CADPS2: variants seen among roughly 807,000 people sequenced by gnomAD.
CADPS2 encodes calcium-dependent secretion activator 2.
CADPS2 carries 93 observed loss-of-function variants against 172.5 expected under a neutral mutation model. The ratio of observed to expected loss-of-function variants is 0.54; its 90% CI spans 0.46 to 0.64. CADPS2 has a LOEUF of 0.64. Ranked by LOEUF, CADPS2 falls within the 30% of genes least tolerant of loss-of-function variation. The pLI, the probability that CADPS2 is intolerant of heterozygous loss-of-function variation, is 0.00. For missense variants in CADPS2, 1,420 were observed against 1,565.9 expected (o/e 0.91, Z 1.57); for synonymous variants, 546 against 555.2 (o/e 0.98, Z 0.23).
chr7:122,365,096 T>C (rs901041948), intron 25 of CADPS2, among the ~76,000 whole-genome samples: 16 of 152,204 alleles, frequency 1.1e-4, no homozygotes, highest in African/African-American at 3.9e-4. Context: ...CCATGTGGCA[T>C]CTGGCAGCCT....
chr7:122,742,116 C>T (rs1012458063), intron 1 of CADPS2, among the ~76,000 whole-genome samples: 2 of 152,052 alleles, frequency 1.3e-5, no homozygotes, highest in South Asian at 2.1e-4. Flanking sequence ...ACAAACTGGG[C>T]GCAGCGGCTC....
chr7:122,876,934 A>T (rs1426484192), intron 1 of CADPS2, among the ~76,000 whole-genome samples: 4 of 152,176 alleles, frequency 2.6e-5, no homozygotes, highest in African/African-American at 9.7e-5. Flanking sequence ...AAACAAAACA[A>T]AAAAACTATT....
At chr7:122,875,827 T>C (rs1409025084) in intron 1 of CADPS2, among the ~76,000 whole-genome samples, 1 of 152,198 alleles carries the variant, frequency 6.6e-6, no homozygotes, top group African/African-American at 2.4e-5. Context: ...CTCATTATCT[T>C]ATTACAAAAC....
chr7:122,321,050 C>T (rs1276684041), intron 29 of CADPS2, among the ~76,000 whole-genome samples: 1 of 152,074 alleles, frequency 6.6e-6, no homozygotes, highest in Non-Finnish European at 1.5e-5. Context: ...AAATAGAGTA[C>T]CATGTTATTG....
intron 1 of CADPS2, among the ~76,000 whole-genome samples, chr7:122,845,036 T>G (rs1811609212): frequency 2.6e-5 from 4 of 152,162 alleles, no homozygotes; most frequent in Admixed American, 2.6e-4. Context: ...CAAATAAGGC[T>G]TCCTAGTCAC....
chr7:122,797,293 T>C (rs1226383849), intron 1 of CADPS2, among the ~76,000 whole-genome samples: 1 of 152,206 alleles, frequency 6.6e-6, no homozygotes, highest in Non-Finnish European at 1.5e-5. Flanking sequence ...GTGTGGCAAT[T>C]TCTCAATGAC....
intron 3 of CADPS2, among the ~76,000 whole-genome samples, chr7:122,661,957 A>T (rs1230077990): frequency 6.6e-6 from 1 of 152,220 alleles, no homozygotes; most frequent in Non-Finnish European, 1.5e-5. Context: ...CACTATTATC[A>T]AATAACTACC....
chr7:122,861,276 T>C (rs1056530514), intron 1 of CADPS2, among the ~76,000 whole-genome samples: 1 of 152,216 alleles, frequency 6.6e-6, no homozygotes, highest in Non-Finnish European at 1.5e-5. Context: ...TTGTCTTTTG[T>C]CTATTTGATA....
chr7:122,770,716 G>A (rs763554430), intron 1 of CADPS2, among the ~76,000 whole-genome samples: 23 of 152,292 alleles, frequency 1.5e-4, no homozygotes, highest in Admixed American at 2.6e-4. Context: ...GCATGCTCAG[G>A]ATCTAAAGGT....
rs1229078488 is a variant in CADPS2, at chr7:122,581,829, G to C, written c.1224-539C>G. On this transcript the variant is annotated intron_variant, in intron 6 of 29. Transcript: ENST00000449022. The stretch of plus-strand genomic sequence containing the variant: ...AAAAAGAAAGAAATATGCATCATAA[G>C]AATCTGAATGTTTTGTAGTTAATTT... Among the ~76,000 whole-genome samples, 6 of 152,038 alleles carry C rather than the reference G, an allele frequency of 3.9e-5. No homozygotes were observed. The South Asian group carries it at 1.2e-3, about 31-fold the overall frequency.
intron 1 of CADPS2, among the ~76,000 whole-genome samples, chr7:122,744,690 CTAAGTGA>C (rs1426658991): frequency 2.0e-5 from 3 of 152,072 alleles, no homozygotes. Context: ...AAAATGTAAA[CTAAGTGA>C]TAAGTACAGA....
chr7:122,629,577 T>G (rs544572661), intron 3 of CADPS2, among the ~76,000 whole-genome samples: 1 of 152,272 alleles, frequency 6.6e-6, no homozygotes, highest in East Asian at 1.9e-4. Context: ...GAAATTAGAT[T>G]TCTTGATCAT....
intron 2 of CADPS2, among the ~76,000 whole-genome samples, chr7:122,724,171 G>T (rs190006592): frequency 6.6e-6 from 1 of 151,618 alleles, no homozygotes; most frequent in African/African-American, 2.4e-5. Flanking sequence ...ATAACTTAAA[G>T]TATAATAATA....
intron 12 of CADPS2, among the ~76,000 whole-genome samples, chr7:122,477,037 G>GGAGAGGAGAGGAGA (rs2056733120): frequency 1.3e-5 from 1 of 78,950 alleles, no homozygotes; most frequent in Non-Finnish European, 2.2e-5. Context: ...GGAGAGGAGA[G>GGAGAGGAGAGGAGA]GAGAGGAGAG....
At chr7:122,407,829 G>A (rs1563261476) in intron 19 of CADPS2, 133 bp from the exon 20 acceptor site, 1 of 871,256 alleles carries the variant, frequency 1.1e-6, no homozygotes, top group East Asian at 2.7e-5. Context: ...AAATATAATA[G>A]TTTTTAACCT....
At chr7:122,506,843 C>A (rs1039644015) in intron 9 of CADPS2, among the ~76,000 whole-genome samples, 1 of 151,806 alleles carries the variant, frequency 6.6e-6, no homozygotes, top group Non-Finnish European at 1.5e-5. Flanking sequence ...ACTGTGTTGT[C>A]CAAATGGTGT....
intron 2 of CADPS2, chr7:122,698,152 C>T (rs2085424393): frequency 6.2e-7 from 1 of 1,613,920 alleles, no homozygotes. Flanking sequence ...GCAAATTACG[C>T]AGCTATCCCC....
intron 1 of CADPS2, among the ~76,000 whole-genome samples, chr7:122,844,816 G>A (rs1811529135): frequency 6.6e-6 from 1 of 152,034 alleles, no homozygotes; most frequent in Non-Finnish European, 1.5e-5. Flanking sequence ...AAGTGAGTGG[G>A]GAGGATTCAC....
chr7:122,527,884 A>G (rs2061403882), intron 8 of CADPS2, among the ~76,000 whole-genome samples: 1 of 152,088 alleles, frequency 6.6e-6, no homozygotes, highest in South Asian at 2.1e-4. Flanking sequence ...CAGAGAGAGA[A>G]GGGTGAAAAT....
Sources: gnomAD v4.1 joint callset for allele counts (sites outside exome capture counted in the v4.1 genomes callset) on GRCh38, gnomAD v4.1.1 for gene constraint, MANE v1.5 for transcripts, NCBI Gene and HGNC (gene_info 2026-07-23, HGNC 2026-07-21) for gene names.